The following ZFP57 variants were observed in gnomAD, a reference collection of about 807,000 sequenced individuals.
ZFP57 encodes the protein zinc finger protein 57 homolog.
Under a neutral mutation model 15.8 loss-of-function variants are expected in ZFP57, and 12 were observed. The ratio of observed to expected loss-of-function variants is 0.76; its 90% confidence interval spans 0.49 to 1.23. The LOEUF is 1.23. Among genes scored for constraint, ZFP57 ranks in the 50% most tolerant of loss-of-function variants. The pLI, the probability that ZFP57 is intolerant of heterozygous loss-of-function variation, is 0.00. For missense variants in ZFP57, 536 were observed against 654.9 expected (o/e 0.82, Z 1.98); for synonymous variants, 203 against 242.3 (o/e 0.84, Z 1.51).
At chr6:29,680,987 T>A (rs1772318409) in intron 1 of ZFP57, 75 bp downstream of exon 1, 1 of 151,256 alleles carries the variant, frequency 6.6e-6, no homozygotes, top group South Asian at 2.1e-4. Flanking sequence ...TGCGGAAGAG[T>A]CAGAGGAGTG....
Position 29,673,530 on chromosome 6 carries a change from T to G in ZFP57, c.581A>C (p.Gln194Pro), listed in dbSNP as rs760158033. 6.2e-7 allele frequency: 1 copy of G among 1,613,040 alleles called. No individual in the cohort carries two copies. Residue 194 changes from glutamine (Q) to proline (P), a missense_variant, in exon 5 of 5, where the codon CAG becomes CCG. Coordinates refer to ENST00000376883, the MANE Select transcript of ZFP57 (RefSeq NM_001109809.5). The surrounding 1 kb of genome is among the most constrained non-coding windows in gnomAD (Gnocchi z 4.7). ...AGTCAGCTTGGGATTGTGAACAAACTGGTGGCTATAGAGGTAGGAGCGCCT... is the reference window on the plus strand; with the variant it reads ...AGTCAGCTTGGGATTGTGAACAAACGGGTGGCTATAGAGGTAGGAGCGCCT... ...FSRRSYLYSH[Q>P]FVHNPKLTNS...
At chr6:29,674,617 GTA>G (rs1771978509) in intron 4 of ZFP57, among the ~76,000 whole-genome samples, 1 of 152,170 alleles carries the variant, frequency 6.6e-6, no homozygotes, top group Non-Finnish European at 1.5e-5. Context: ...GGGATGAGAA[GTA>G]TAAACCAGGA....
intron 1 of ZFP57, 54 bp from the exon 2 acceptor site, chr6:29,677,420 T>C (rs1772130190): frequency 3.8e-6 from 1 of 265,018 alleles, no homozygotes; most frequent in African/African-American, 2.2e-5. Context: ...AAGAAACAGC[T>C]TCCTTATTTG....
chr6:29,675,817 A>G, intron 3 of ZFP57, 116 bp downstream of exon 3: 1 of 1,303,860 alleles, frequency 7.7e-7, no homozygotes. Flanking sequence ...ACACCTGGAA[A>G]GCATAGAACC....
In ZFP57 at chr6:29,676,908, A is replaced by G. The variant is rs770926371; in HGVS notation, c.96T>C (p.Asp32=). Residue 32 remains aspartate, a synonymous_variant, in exon 2 of 5, where the codon GAT becomes GAC. Coordinates refer to ENST00000376883, the MANE Select transcript of ZFP57 (RefSeq NM_001109809.5). ...AATLQEAMKR[D]CWREARVKKK... ...TCTTCACCCGTGCCTCCCTCCAGCA[A>G]TCTCTCTTCATGGCTTCCTGCAGGG... 3 of 1,612,516 alleles carry G rather than the reference A, an allele frequency of 1.9e-6. No homozygotes were observed. Among genetic ancestry groups the G allele is most frequent in the East Asian group, 2.2e-5 (1 of 44,812 alleles).
Position 29,673,679 on chromosome 6 carries a change from T to A in ZFP57, c.432A>T (p.Ala144=), listed in dbSNP as rs1247295402. The A allele has an allele frequency of 1.9e-6, 3 of 1,612,884 alleles. No individual in the cohort carries two copies. Among genetic ancestry groups the A allele is most frequent in the Non-Finnish European group, 2.5e-6 (3 of 1,179,992 alleles). Residue 144 remains alanine, a synonymous_variant, in exon 5 of 5, where the codon GCA becomes GCT. Coordinates refer to ENST00000376883, the MANE Select transcript of ZFP57 (RefSeq NM_001109809.5). The surrounding 1 kb of genome is among the most constrained non-coding windows in gnomAD (Gnocchi z 4.7). ...GGGGGCACTGGCCGGCCCCTCTGCATGCAAGGAAGACCTTGTCATCACTAG... is the reference window on the plus strand; with the variant it reads ...GGGGGCACTGGCCGGCCCCTCTGCAAGCAAGGAAGACCTTGTCATCACTAG... ...EGTSDDKVFL[A]CRGAGQCPLS... is the part of the protein sequence containing the mutation.
intron 1 of ZFP57, among the ~76,000 whole-genome samples, chr6:29,679,900 A>G (rs2127549987): frequency 1.1e-5 from 1 of 91,802 alleles, no homozygotes; most frequent in Middle Eastern, 7.7e-3. Context: ...CAAACAAACA[A>G]ACAAACAAAC....
chr6:29,674,012 C>T (rs1271629988), intron 4 of ZFP57, among the ~76,000 whole-genome samples: 14 of 151,490 alleles, frequency 9.2e-5, no homozygotes, highest in Non-Finnish European at 1.3e-4. Context: ...GACAATCACT[C>T]GAACCCGGGA....
At chr6:29,680,279 G>T (rs534644284) in intron 1 of ZFP57, among the ~76,000 whole-genome samples, 1 of 152,102 alleles carries the variant, frequency 6.6e-6, no homozygotes, top group Non-Finnish European at 1.5e-5. Context: ...GGAATGTGTC[G>T]TCGCCATCTT....
Position 29,672,612 on chromosome 6 carries a change from C to T in ZFP57, c.1499G>A (p.Gly500Glu). The change falls in exon 5 of 5, where the codon GGA becomes GAA. Residue 500 changes from glycine to glutamate, a missense_variant. Physicochemically the swap from Gly to Glu is moderately conservative, Grantham distance 98. Coordinates refer to ENST00000376883, the MANE Select transcript of ZFP57 (RefSeq NM_001109809.5). ...GATCCTGGGGGGAGATTGATCACCTCCATGCTTCCATTCCTCCCCAGCCAT... is the reference window on the plus strand; with the variant it reads ...GATCCTGGGGGGAGATTGATCACCTTCATGCTTCCATTCCTCCCCAGCCAT... ...PTMAGEEWKH[G>E]GDQSPPRIHT... The T allele has an allele frequency of 6.2e-7, 1 of 1,611,524 alleles. No homozygotes were observed. The highest frequency in any genetic ancestry group is 8.5e-7 in the Non-Finnish European group (1 of 1,178,762).
At chr6:29,679,906 CAAACA>C (rs1321757760) in intron 1 of ZFP57, among the ~76,000 whole-genome samples, 5 of 128,492 alleles carry the variant, frequency 3.9e-5, no homozygotes, top group Admixed American at 7.8e-5. Context: ...AACAAACAAA[CAAACA>C]AAAAAAAACG....
chr6:29,680,550 T>C (rs1026702473), intron 1 of ZFP57, among the ~76,000 whole-genome samples: 2 of 152,160 alleles, frequency 1.3e-5, no homozygotes, highest in African/African-American at 4.8e-5. Flanking sequence ...GCCATTGCCC[T>C]GCACCTACCC....
chr6:29,677,543 A>G (rs1772136046), intron 1 of ZFP57, among the ~76,000 whole-genome samples, 177 bp from the exon 2 acceptor site: 1 of 152,250 alleles, frequency 6.6e-6, no homozygotes, highest in South Asian at 2.1e-4. Context: ...GATGCTAAAT[A>G]ATTTTCCAAG....
intron 1 of ZFP57, among the ~76,000 whole-genome samples, chr6:29,680,682 G>A (rs1389382801): frequency 5.9e-5 from 9 of 152,212 alleles, no homozygotes; most frequent in Admixed American, 2.0e-4. Flanking sequence ...AGCCGGTTTT[G>A]CTCACTGTCG....
At chr6:29,678,591 AT>A (rs35824044) in intron 1 of ZFP57, among the ~76,000 whole-genome samples, 1 of 150,038 alleles carries the variant, frequency 6.7e-6, no homozygotes, top group African/African-American at 2.5e-5. Flanking sequence ...AATATAAATT[AT>A]TTTGAGAGAG....
rs1331351012 is a variant in ZFP57, at chr6:29,675,416, C to A, written c.322G>T (p.Val108Phe). Residue 108 changes from valine to phenylalanine, a missense_variant, in exon 4 of 5, where the codon GTC becomes TTC. Coordinates refer to ENST00000376883, the MANE Select transcript of ZFP57 (RefSeq NM_001109809.5). ...EQEEEQWREF[V>F]HLPNTEGLSE... ...AGGCCTTCTGTGTTTGGGAGATGGA[C>A]AAACTCTCTCCACTGTTCCTCTTCT... is the stretch of plus-strand genomic sequence containing the variant. The A allele has an allele frequency of 1.9e-6, 3 of 1,614,050 alleles. No individual in the cohort carries two copies. The highest frequency in any genetic ancestry group is 1.7e-5 in the Admixed American group (1 of 60,006).
At chr6:29,675,894 T>C (rs764053807) in intron 3 of ZFP57, 39 bp downstream of exon 3, 2 of 1,612,450 alleles carry the variant, frequency 1.2e-6, no homozygotes, top group East Asian at 2.2e-5. Context: ...CCAGGGCCCT[T>C]AGGACAGGGG....
Position 29,677,675 on chromosome 6 carries a change from C to A in ZFP57, c.-363-309G>T, listed in dbSNP as rs554252275. ...GGCTAGGATCTGTCACAGATCACCT[C>A]GAGTGAGTCTCTTTATTCTTTCTGA... On this transcript the variant is annotated intron_variant, in intron 1 of 4. Transcript: ENST00000376883. Among the ~76,000 whole-genome samples the A allele has an allele frequency of 2.0e-5, 3 of 152,260 alleles. No homozygotes were observed. In the East Asian group the frequency reaches 5.8e-4, roughly 29 times the overall value.
At position 29,675,863 on chromosome 6, in the gene ZFP57, T is replaced by G. The variant is rs866978497; in HGVS notation, c.250+70A>C. 3.2e-5 allele frequency: 51 copies of G among 1,598,420 alleles called. 2 individuals carry two copies. In the Middle Eastern group the frequency reaches 3.0e-3, roughly 93 times the overall value. Reference sequence around the variant, plus strand: ...GAAACTAATTGTAAGCTGATCTACCTGTCCAGGGAAACCAGATGTTCCAGG... The same window carrying G: ...GAAACTAATTGTAAGCTGATCTACCGGTCCAGGGAAACCAGATGTTCCAGG... On this transcript the variant is annotated intron_variant, in intron 3 of 4. Transcript: ENST00000376883.
Sources: gnomAD v4.1 joint callset for allele counts (sites outside exome capture counted in the v4.1 genomes callset) on GRCh38, gnomAD v4.1.1 for gene constraint, Gnocchi (gnomAD v3.1) non-coding constraint, MANE v1.5 for transcripts, NCBI Gene and HGNC (gene_info 2026-07-23, HGNC 2026-07-21) for gene names.